Variants in GALNT17 observed in about 807,000 individuals in gnomAD.
GALNT17 encodes polypeptide N-acetylgalactosaminyltransferase 17, also known as UDP-GalNAc:polypeptide N-acetylgalactosaminyltransferase-like 3.
GALNT17 carries 29 observed loss-of-function variants against 63.7 expected under a neutral mutation model. That is an observed-to-expected ratio of 0.46 (90% CI 0.34 to 0.62). GALNT17 has a LOEUF of 0.62. GALNT17 is among the 20% of genes least tolerant of loss of function. The pLI is 0.01. For missense variants in GALNT17, 603 were observed against 799.6 expected, an observed-to-expected ratio of 0.75 and a Z score of 2.97; for synonymous variants, 305 against 318.3, an observed-to-expected ratio of 0.96 and a Z score of 0.45.
intron 1 of GALNT17, among the ~76,000 whole-genome samples, chr7:71,166,808 A>G (rs2116270781): frequency 6.6e-6 from 1 of 152,206 alleles, no homozygotes; most frequent in African/African-American, 2.4e-5. Flanking sequence ...TAATCTTTGC[A>G]TAGATATATG....
chr7:71,684,254 C>T (rs1457915844), intron 9 of GALNT17, among the ~76,000 whole-genome samples: 1 of 152,180 alleles, frequency 6.6e-6, no homozygotes, highest in African/African-American at 2.4e-5. Context: ...CTTCTTGCTA[C>T]ACCGCTCCAG....
intron 5 of GALNT17, among the ~76,000 whole-genome samples, chr7:71,491,962 C>A (rs1030794546): frequency 1.3e-5 from 2 of 152,038 alleles, no homozygotes; most frequent in Non-Finnish European, 2.9e-5. Flanking sequence ...TCAAGACCAG[C>A]CTGGGTAACA....
intron 1 of GALNT17, among the ~76,000 whole-genome samples, chr7:71,144,867 T>C (rs888996090): frequency 6.6e-6 from 1 of 152,208 alleles, no homozygotes; most frequent in Non-Finnish European, 1.5e-5. Context: ...TAGCTGGGAC[T>C]ACAGGTGCAT....
chr7:71,433,320 A>C (rs1442698552), intron 5 of GALNT17, among the ~76,000 whole-genome samples: 2 of 152,222 alleles, frequency 1.3e-5, no homozygotes, highest in Non-Finnish European at 1.5e-5. Context: ...AGAAAGTAGA[A>C]TAGTGCTTAC....
chr7:71,209,316 C>T (rs1244770918), intron 1 of GALNT17, among the ~76,000 whole-genome samples: 1 of 152,162 alleles, frequency 6.6e-6, no homozygotes. Flanking sequence ...ATTTACTTAG[C>T]AAATTCTATG....
chr7:71,534,875 G>A (rs1039504908), intron 5 of GALNT17, among the ~76,000 whole-genome samples: 1 of 152,142 alleles, frequency 6.6e-6, no homozygotes, highest in African/African-American at 2.4e-5. Context: ...TGTTGTAAGT[G>A]CTACCATCTC....
chr7:71,132,909 G>A lies in GALNT17; in HGVS notation c.107G>A (p.Gly36Glu), dbSNP rs1286369727. 1.2e-6 allele frequency: 2 copies of A among 1,612,500 alleles called. No homozygotes were observed. The highest frequency in any genetic ancestry group is 1.7e-5 in the Admixed American group (1 of 59,964). ...TGCCGGCCCATCGCGGTGCGCAGCG[G>A]AGACGCCTTCCACGAGATCCGGCCG... ...AKCRPIAVRS[G>E]DAFHEIRPRA... is the part of the protein sequence containing the mutation. The change falls in exon 1 of 11, where the codon GGA (glycine) becomes GAA (glutamate). Residue 36 changes from glycine (G) to glutamate (E), a missense_variant. Gly to Glu is a moderately conservative substitution (Grantham distance 98). Coordinates refer to ENST00000333538, the MANE Select transcript of GALNT17 (RefSeq NM_022479.3).
intron 6 of GALNT17, among the ~76,000 whole-genome samples, chr7:71,644,555 G>GAAAAAAAAAA (rs113737797): frequency 9.0e-6 from 1 of 111,644 alleles, no homozygotes; most frequent in African/African-American, 3.2e-5. Flanking sequence ...AAAAACAAAA[G>GAAAAAAAAAA]AAAAAAAAAA....
chr7:71,427,565 C>T (rs1786782561), intron 5 of GALNT17, among the ~76,000 whole-genome samples: 2 of 152,018 alleles, frequency 1.3e-5, no homozygotes, highest in South Asian at 2.1e-4. Context: ...TCCTAGGGTA[C>T]TCTCGACTTC....
chr7:71,615,188 T>C (rs1790183289), intron 6 of GALNT17, among the ~76,000 whole-genome samples: 1 of 152,200 alleles, frequency 6.6e-6, no homozygotes, highest in African/African-American at 2.4e-5. Context: ...AGAGGCCCCA[T>C]TGCCAGTGCC....
At chr7:71,563,211 C>A (rs1341971925) in intron 5 of GALNT17, among the ~76,000 whole-genome samples, 1 of 152,206 alleles carries the variant, frequency 6.6e-6, no homozygotes, top group East Asian at 1.9e-4. Context: ...GAAGTGTTTG[C>A]ACTCATGGTC....
intron 5 of GALNT17, among the ~76,000 whole-genome samples, chr7:71,500,271 C>T (rs527648709): frequency 1.6e-4 from 24 of 152,228 alleles, no homozygotes; most frequent in Middle Eastern, 3.4e-3. Context: ...ATGTTTGTGT[C>T]CTCCCATAGT....
intron 5 of GALNT17, among the ~76,000 whole-genome samples, chr7:71,425,358 G>A (rs1007311507): frequency 6.6e-6 from 1 of 151,964 alleles, no homozygotes; most frequent in Admixed American, 6.6e-5. Context: ...GAGTATCTGC[G>A]ACTACAGGTG....
chr7:71,574,272 G>A (rs1289588062), intron 6 of GALNT17, among the ~76,000 whole-genome samples: 1 of 152,152 alleles, frequency 6.6e-6, no homozygotes, highest in Admixed American at 6.5e-5. Context: ...CCTTGTTGAT[G>A]GGCTGGAATG....
intron 1 of GALNT17, among the ~76,000 whole-genome samples, chr7:71,264,743 G>A (rs1790455874): frequency 6.6e-6 from 1 of 151,984 alleles, no homozygotes; most frequent in South Asian, 2.1e-4. Context: ...AGAACATATT[G>A]AATGTTCTCA....
At chr7:71,268,422 T>A (rs573784677) in intron 1 of GALNT17, among the ~76,000 whole-genome samples, 45 of 149,786 alleles carry the variant, frequency 3.0e-4, no homozygotes, top group African/African-American at 1.0e-3. Flanking sequence ...TGTGGTGGCA[T>A]GTTCCTGAGT....
intron 10 of GALNT17, 109 bp downstream of exon 10, chr7:71,711,037 C>A (rs545075854): frequency 1.4e-6 from 2 of 1,396,496 alleles, no homozygotes; most frequent in Non-Finnish European, 1.9e-6. Flanking sequence ...CGACCCCGAA[C>A]CCAGGTCTCC....
intron 1 of GALNT17, among the ~76,000 whole-genome samples, chr7:71,185,090 T>TC (rs1211929155): frequency 2.9e-5 from 4 of 138,998 alleles, no homozygotes; most frequent in African/African-American, 5.7e-5. Context: ...CCTCCTTCCT[T>TC]CTTCTCCCTT....
At chr7:71,194,392 A>G (rs1290220992) in intron 1 of GALNT17, among the ~76,000 whole-genome samples, 4 of 152,198 alleles carry the variant, frequency 2.6e-5, no homozygotes, top group Non-Finnish European at 5.9e-5. Flanking sequence ...CTACCTGGGA[A>G]AAGGGTATAT....
Sources: allele counts gnomAD v4.1 joint callset (sites outside exome capture counted in the v4.1 genomes callset), GRCh38; gene constraint gnomAD v4.1.1; transcripts MANE v1.5; gene names NCBI Gene and HGNC (gene_info 2026-07-23, HGNC 2026-07-21).